PCDHA8: variants seen among roughly 807,000 people sequenced by gnomAD.
PCDHA8 encodes protocadherin alpha 8, also known as protocadherin alpha-8.
In PCDHA8, 53 loss-of-function variants were observed where a neutral mutation model predicts 61.8. That is an observed-to-expected ratio of 0.86 (90% CI 0.69 to 1.08). The LOEUF is 1.08. Among genes scored for constraint, PCDHA8 ranks in the 50% least tolerant of loss-of-function variants. The probability of loss-of-function intolerance (pLI) is 0.00; values close to 1 mark genes in which losing one functional copy is unlikely to be tolerated. For synonymous variants in PCDHA8, 618 were observed against 556.6 expected (o/e 1.11, Z -1.55); for missense variants, 1,293 against 1,245.0 (o/e 1.04, Z -0.58).
intron 3 of PCDHA8, among the ~76,000 whole-genome samples, chr5:140,996,546 T>C (rs1179221123): frequency 6.6e-6 from 1 of 152,224 alleles, no homozygotes; most frequent in Admixed American, 6.5e-5. Flanking sequence ...GATATTATGC[T>C]GTCACTATCT....
chr5:140,845,640 T>C (rs1256673286), intron 1 of PCDHA8, among the ~76,000 whole-genome samples: 1 of 149,636 alleles, frequency 6.7e-6, no homozygotes, highest in Non-Finnish European at 1.5e-5. Flanking sequence ...AATCAAGTCC[T>C]CCCTTTACCA....
chr5:140,946,611 A>T (rs868983636), intron 1 of PCDHA8, among the ~76,000 whole-genome samples: 1 of 86,804 alleles, frequency 1.2e-5, no homozygotes, highest in Admixed American at 1.2e-4. Context: ...GAAAATGTGA[A>T]ATATATATAT....
intron 1 of PCDHA8, among the ~76,000 whole-genome samples, chr5:140,908,919 G>T (rs781892541): frequency 1.3e-5 from 2 of 152,158 alleles, no homozygotes; most frequent in Non-Finnish European, 2.9e-5. Context: ...TGTAGGAGGG[G>T]CCAAATGCAG....
chr5:140,850,641 C>G lies in PCDHA8; in HGVS notation c.2394+6926C>G, dbSNP rs2041729917. 1.9e-6 allele frequency: 3 copies of G among 1,598,540 alleles called. No homozygotes were observed. Among genetic ancestry groups the G allele is most frequent in the African/African-American group, 1.3e-5 (1 of 74,394 alleles). On this transcript the variant is annotated intron_variant, in intron 1 of 3. Coordinates refer to ENST00000531613, the MANE Select transcript of PCDHA8 (RefSeq NM_018911.3). ...GTCTAGCCTGTTGGTTCTCACGCTG[C>G]TGCTGTACACTGTGCTGCGGTGCTC...
intron 1 of PCDHA8, among the ~76,000 whole-genome samples, chr5:140,938,340 T>A (rs1210571018): frequency 6.6e-6 from 1 of 152,224 alleles, no homozygotes; most frequent in Non-Finnish European, 1.5e-5. Flanking sequence ...TAATGGATAA[T>A]CTTGTCTTAT....
chr5:140,876,092 A>C, intron 1 of PCDHA8: 2 of 1,613,948 alleles, frequency 1.2e-6, no homozygotes, highest in Non-Finnish European at 1.7e-6. Context: ...CAAACGCCAA[A>C]ACTCAATTTA....
intron 1 of PCDHA8, among the ~76,000 whole-genome samples, chr5:140,897,646 C>T (rs1336141431): frequency 1.3e-5 from 2 of 152,128 alleles, no homozygotes; most frequent in African/African-American, 4.8e-5. Flanking sequence ...CCACAATAAA[C>T]ATACGTGTGC....
At chr5:140,877,697 C>A in intron 1 of PCDHA8, 2 of 1,613,912 alleles carry the variant, frequency 1.2e-6, no homozygotes, top group Non-Finnish European at 1.7e-6. Context: ...CTGGTGTGCT[C>A]CAGCGCCGTG....
Position 140,938,882 on chromosome 5 carries a change from C to T in PCDHA8, c.2395-40067C>T, listed in dbSNP as rs529115064. On this transcript the variant is annotated intron_variant, in intron 1 of 3. Transcript: ENST00000531613. ...AACTTAAAAGTTAAGAAGCAACACA[C>T]ACACACACAGATGCGCACACACACA... is the stretch of plus-strand genomic sequence containing the variant. Among the ~76,000 whole-genome samples the T allele has an allele frequency of 3.3e-5, 5 of 152,218 alleles. No individual in the cohort carries two copies. The South Asian group carries it at 1.0e-3, about 32-fold the overall frequency.
chr5:140,871,056 G>A (rs1554165039), intron 1 of PCDHA8: 1 of 1,613,234 alleles, frequency 6.2e-7, no homozygotes, highest in African/African-American at 1.3e-5. Context: ...TACTGGTGAA[G>A]GATCACGGTG....
chr5:140,946,763 C>T (rs1453017337), intron 1 of PCDHA8, among the ~76,000 whole-genome samples: 1 of 151,160 alleles, frequency 6.6e-6, no homozygotes, highest in Non-Finnish European at 1.5e-5. Context: ...TGATCTCATT[C>T]ATGTGGAATG....
chr5:140,896,280 G>A (rs940722689), intron 1 of PCDHA8, among the ~76,000 whole-genome samples: 1 of 152,206 alleles, frequency 6.6e-6, no homozygotes, highest in South Asian at 2.1e-4. Flanking sequence ...TTGCTGGCTT[G>A]AATGGTAAGT....
chr5:140,857,010 T>C (rs782647115), intron 1 of PCDHA8: 1 of 1,595,968 alleles, frequency 6.3e-7, no homozygotes, highest in South Asian at 1.1e-5. Context: ...CATGTAGATG[T>C]TACAGATAAG....
At chr5:140,873,210 A>G (rs1372631390) in intron 1 of PCDHA8, among the ~76,000 whole-genome samples, 2 of 152,208 alleles carry the variant, frequency 1.3e-5, no homozygotes, top group African/African-American at 4.8e-5. Flanking sequence ...TTCTTTAAGT[A>G]TTAAAGAGAA....
chr5:140,972,700 T>C (rs1353443535), intron 1 of PCDHA8, among the ~76,000 whole-genome samples: 3 of 147,702 alleles, frequency 2.0e-5, no homozygotes, highest in African/African-American at 7.5e-5. Context: ...AGTCTCACTC[T>C]GTTGCCAGGC....
intron 1 of PCDHA8, among the ~76,000 whole-genome samples, chr5:140,962,827 C>T (rs1229108981): frequency 6.6e-6 from 1 of 152,164 alleles, no homozygotes; most frequent in East Asian, 1.9e-4. Flanking sequence ...GACCATTTGT[C>T]TCTTTTTTAT....
At chr5:140,970,146 C>A (rs1408492600) in intron 1 of PCDHA8, among the ~76,000 whole-genome samples, 3 of 152,156 alleles carry the variant, frequency 2.0e-5, no homozygotes, top group Admixed American at 6.5e-5. Context: ...AAAAAGAATT[C>A]TCCCAATAGT....
intron 1 of PCDHA8, chr5:140,857,399 G>T (rs375062704): frequency 6.3e-7 from 1 of 1,598,510 alleles, no homozygotes; most frequent in Non-Finnish European, 8.6e-7. Context: ...GAACGACAAC[G>T]CGCCTGCGTT....
intron 1 of PCDHA8, among the ~76,000 whole-genome samples, chr5:140,941,438 C>G (rs1408570275): frequency 6.6e-6 from 1 of 150,766 alleles, no homozygotes; most frequent in East Asian, 1.9e-4. Flanking sequence ...GCCTCAGCCT[C>G]GGGAGTAGCT....
Sources: allele counts gnomAD v4.1 joint callset (sites outside exome capture counted in the v4.1 genomes callset), GRCh38; gene constraint gnomAD v4.1.1; transcripts MANE v1.5; gene names NCBI Gene and HGNC (gene_info 2026-07-23, HGNC 2026-07-21).